Variants in SUGCT observed in about 807,000 individuals in gnomAD.
SUGCT encodes succinyl-CoA:glutarate CoA-transferase.
In SUGCT, 41 loss-of-function variants were observed where a neutral mutation model predicts 55.0. The ratio of observed to expected loss-of-function variants is 0.74; its 90% CI spans 0.58 to 0.97. The LOEUF (loss-of-function observed/expected upper bound fraction) is 0.97. Ranked by LOEUF, SUGCT falls within the 50% of genes least tolerant of loss-of-function variation. The probability of loss-of-function intolerance (pLI) is 0.00; values close to 1 mark genes in which losing one functional copy is unlikely to be tolerated. For missense variants in SUGCT, 568 were observed against 547.8 expected (o/e 1.04, Z -0.37); for synonymous variants, 187 against 200.4 (o/e 0.93, Z 0.56).
At chr7:40,911,406 T>TA in the SUGCT span, among the ~76,000 whole-genome samples, 39 of 151,736 alleles carry the variant, frequency 2.6e-4, no homozygotes, top group African/African-American at 3.6e-4. Context: ...TGATTAAAAT[T>TA]AAAAAAAAAT....
the SUGCT span, among the ~76,000 whole-genome samples, chr7:40,910,833 T>C: frequency 6.6e-6 from 1 of 152,332 alleles, no homozygotes; most frequent in South Asian, 2.1e-4. Flanking sequence ...TAATTTGGCA[T>C]GTATTTAATG....
At chr7:40,518,089 T>A (rs1376558590) in intron 12 of SUGCT, among the ~76,000 whole-genome samples, 1 of 152,098 alleles carries the variant, frequency 6.6e-6, no homozygotes. Context: ...CAGAACTTTA[T>A]GCACTTATCA....
chr7:40,368,237 C>T (rs991077575), intron 9 of SUGCT, among the ~76,000 whole-genome samples: 7 of 151,872 alleles, frequency 4.6e-5, no homozygotes, highest in East Asian at 1.9e-4. Flanking sequence ...GTTGCACTGT[C>T]GCCTGGGCTG....
chr7:40,507,259 C>G (rs1332759300), intron 12 of SUGCT, among the ~76,000 whole-genome samples: 1 of 152,180 alleles, frequency 6.6e-6, no homozygotes, highest in African/African-American at 2.4e-5. Flanking sequence ...CCTCGCCACC[C>G]ACCTTTTCTA....
the SUGCT span, among the ~76,000 whole-genome samples, chr7:40,974,565 T>C: frequency 6.6e-6 from 1 of 152,208 alleles, no homozygotes; most frequent in Non-Finnish European, 1.5e-5. Context: ...ATAAAATACA[T>C]TTCTGTTGTT....
intron 8 of SUGCT, among the ~76,000 whole-genome samples, chr7:40,299,318 T>G (rs1216717948): frequency 6.6e-6 from 1 of 152,218 alleles, no homozygotes; most frequent in Non-Finnish European, 1.5e-5. Context: ...CTCCAGCATG[T>G]GCTACCACGT....
At chr7:40,341,726 C>A (rs1797060801) in intron 9 of SUGCT, among the ~76,000 whole-genome samples, 1 of 152,056 alleles carries the variant, frequency 6.6e-6, no homozygotes, top group African/African-American at 2.4e-5. Flanking sequence ...AAATTGTGGG[C>A]TGTGAATTAG....
At chr7:40,770,391 G>C (rs554359806) in intron 13 of SUGCT, among the ~76,000 whole-genome samples, 54 of 152,136 alleles carry the variant, frequency 3.5e-4, no homozygotes, top group African/African-American at 1.3e-3. Flanking sequence ...GCTCCTTTTA[G>C]CTCATTGCTC....
At chr7:41,023,683 T>C in the SUGCT span, among the ~76,000 whole-genome samples, 3 of 151,576 alleles carry the variant, frequency 2.0e-5, no homozygotes, top group African/African-American at 7.3e-5. Flanking sequence ...GCTGCCCATG[T>C]CACCCACTGC....
intron 6 of SUGCT, among the ~76,000 whole-genome samples, chr7:40,205,451 G>A (rs1156380242): frequency 6.6e-6 from 1 of 151,896 alleles, no homozygotes; most frequent in Non-Finnish European, 1.5e-5. Flanking sequence ...AGACCAGCCT[G>A]GCCAACATGG....
intron 6 of SUGCT, among the ~76,000 whole-genome samples, chr7:40,205,715 G>A (rs984795920): frequency 6.6e-6 from 1 of 151,420 alleles, no homozygotes; most frequent in Admixed American, 6.6e-5. Flanking sequence ...TGTAATTAGG[G>A]ATATGCAAGT....
intron 12 of SUGCT, among the ~76,000 whole-genome samples, chr7:40,602,003 T>C (rs1357154598): frequency 6.6e-6 from 1 of 152,202 alleles, no homozygotes; most frequent in Non-Finnish European, 1.5e-5. Context: ...ATAGACATAC[T>C]CTTTCAAGTT....
chr7:40,681,780 T>C (rs904089941), intron 12 of SUGCT, among the ~76,000 whole-genome samples: 1 of 151,906 alleles, frequency 6.6e-6, no homozygotes, highest in African/African-American at 2.4e-5. Context: ...TTGTGGCTGG[T>C]TCAGGACATG....
At chr7:40,979,071 G>C in the SUGCT span, among the ~76,000 whole-genome samples, 1 of 152,026 alleles carries the variant, frequency 6.6e-6, no homozygotes, top group Non-Finnish European at 1.5e-5. Context: ...CATATTCACA[G>C]TCCCTGGCCC....
intron 12 of SUGCT, among the ~76,000 whole-genome samples, chr7:40,745,364 A>C (rs1210316748): frequency 3.3e-5 from 5 of 152,008 alleles, no homozygotes; most frequent in Non-Finnish European, 5.9e-5. Context: ...CTATATTACA[A>C]ATTTTTTTCT....
At chr7:40,477,478 G>A (rs975549353) in intron 11 of SUGCT, among the ~76,000 whole-genome samples, 1 of 152,026 alleles carries the variant, frequency 6.6e-6, no homozygotes, top group African/African-American at 2.4e-5. Context: ...TTCCTTGGGT[G>A]GAATGACATT....
At chr7:40,284,851 C>T (rs1793213414) in intron 8 of SUGCT, among the ~76,000 whole-genome samples, 1 of 152,030 alleles carries the variant, frequency 6.6e-6, no homozygotes, top group Non-Finnish European at 1.5e-5. Flanking sequence ...AGAAGTAATG[C>T]TATTGGTTAG....
intron 8 of SUGCT, among the ~76,000 whole-genome samples, chr7:40,294,242 G>A (rs928959903): frequency 2.6e-5 from 4 of 152,008 alleles, no homozygotes; most frequent in East Asian, 1.9e-4. Flanking sequence ...GAGCTACCGC[G>A]TCTGGCCTAG....
chr7:40,736,032 A>G (rs1267620733), intron 12 of SUGCT, among the ~76,000 whole-genome samples: 1 of 151,950 alleles, frequency 6.6e-6, no homozygotes, highest in Non-Finnish European at 1.5e-5. Context: ...GATAGAAGAG[A>G]GAATTCATGA....
Sources: allele counts gnomAD v4.1 joint callset (sites outside exome capture counted in the v4.1 genomes callset), GRCh38; gene constraint gnomAD v4.1.1; transcripts MANE v1.5; gene names NCBI Gene and HGNC (gene_info 2026-07-23, HGNC 2026-07-21).